ODF2L: variants seen among roughly 807,000 people sequenced by gnomAD.
ODF2L encodes protein BCAP.
Under a neutral mutation model 86.3 loss-of-function variants are expected in ODF2L, and 76 were observed. That is an observed-to-expected ratio of 0.88 (90% CI 0.73 to 1.07). ODF2L has a LOEUF of 1.07. ODF2L is among the 50% of genes least tolerant of loss of function. The pLI is 0.00. For synonymous variants in ODF2L, 241 were observed against 231.3 expected, an observed-to-expected ratio of 1.04 and a Z score of -0.38; for missense variants, 748 against 717.4, an observed-to-expected ratio of 1.04 and a Z score of -0.49.
downstream of ODF2L, chr1:86,348,728 T>C (rs186066009): frequency 1.6e-4 from 234 of 1,440,722 alleles, 1 homozygote; most frequent in Non-Finnish European, 1.8e-4. Context: ...ATCTACTACT[T>C]AGAGAAAATA....
chr1:86,372,851 G>A (rs573939237), intron 8 of ODF2L, among the ~76,000 whole-genome samples: 22 of 152,196 alleles, frequency 1.4e-4, no homozygotes, highest in Admixed American at 2.6e-4. Context: ...GCTATTATAA[G>A]TGAAGTAACT....
intron 4 of ODF2L, among the ~76,000 whole-genome samples, 193 bp downstream of exon 4, chr1:86,384,483 T>C (rs930151596): frequency 4.6e-5 from 7 of 151,728 alleles, no homozygotes; most frequent in Admixed American, 1.3e-4. Context: ...AAAATAAAAA[T>C]ACATTTTCTA....
intron 7 of ODF2L, among the ~76,000 whole-genome samples, chr1:86,379,639 G>A (rs1217022790): frequency 6.6e-6 from 1 of 152,042 alleles, no homozygotes; most frequent in African/African-American, 2.4e-5. Context: ...GGCTATAGAC[G>A]AGATAAACAG....
chr1:86,395,577 T>A (rs1013273635), intron 1 of ODF2L, among the ~76,000 whole-genome samples: 3 of 152,168 alleles, frequency 2.0e-5, no homozygotes, highest in Non-Finnish European at 4.4e-5. Context: ...CCTAGAGGAA[T>A]CCTGGAGAAG....
intron 8 of ODF2L, among the ~76,000 whole-genome samples, 195 bp from the exon 9 acceptor site, chr1:86,372,735 C>T (rs1659885047): frequency 6.6e-6 from 1 of 152,122 alleles, no homozygotes; most frequent in Non-Finnish European, 1.5e-5. Context: ...GCCTAAATGC[C>T]CACCAACCAA....
At chr1:86,374,758 C>T (rs137875332) in intron 8 of ODF2L, among the ~76,000 whole-genome samples, 23 of 152,282 alleles carry the variant, frequency 1.5e-4, no homozygotes, top group African/African-American at 5.3e-4. Context: ...AGACCACAGA[C>T]GTTTACAAAT....
chr1:86,373,662 G>A (rs1278034591), intron 8 of ODF2L, among the ~76,000 whole-genome samples: 3 of 151,878 alleles, frequency 2.0e-5, no homozygotes, highest in Non-Finnish European at 4.4e-5. Context: ...AAACACATAA[G>A]CATCAGAGGA....
chr1:86,363,560 T>C (rs889389751), intron 11 of ODF2L, among the ~76,000 whole-genome samples: 3 of 152,060 alleles, frequency 2.0e-5, no homozygotes, highest in African/African-American at 7.2e-5. Context: ...CTTTTGACCA[T>C]ACAGTTAAAT....
chr1:86,387,123 G>A, intron 1 of ODF2L, 37 bp from the exon 2 acceptor site: 1 of 565,440 alleles, frequency 1.8e-6, no homozygotes, highest in Non-Finnish European at 3.0e-6. Flanking sequence ...TATTTCAATA[G>A]AGTTTTTTTG....
intron 7 of ODF2L, among the ~76,000 whole-genome samples, chr1:86,381,633 C>T (rs1660599001): frequency 6.6e-6 from 1 of 151,790 alleles, no homozygotes; most frequent in Non-Finnish European, 1.5e-5. Flanking sequence ...AAAAGAGTTA[C>T]CTTATATTGT....
intron 7 of ODF2L, 64 bp downstream of exon 7, chr1:86,382,178 C>T: frequency 1.3e-6 from 2 of 1,493,026 alleles, no homozygotes; most frequent in Non-Finnish European, 1.8e-6. Flanking sequence ...CTAAGGAAGG[C>T]TTTATGGCCT....
intron 11 of ODF2L, among the ~76,000 whole-genome samples, chr1:86,365,097 T>A (rs1659309613): frequency 6.6e-6 from 1 of 152,230 alleles, no homozygotes; most frequent in Admixed American, 6.5e-5. Context: ...TCCTGTCTTC[T>A]TCCAAATTCT....
chr1:86,373,243 A>G (rs1172145180), intron 8 of ODF2L, among the ~76,000 whole-genome samples: 1 of 151,856 alleles, frequency 6.6e-6, no homozygotes, highest in Non-Finnish European at 1.5e-5. Flanking sequence ...CTATTTTTAA[A>G]CAATATTTCA....
chr1:86,363,377 T>C (rs771045354), intron 11 of ODF2L, among the ~76,000 whole-genome samples: 3 of 152,152 alleles, frequency 2.0e-5, no homozygotes, highest in Non-Finnish European at 2.9e-5. Flanking sequence ...CTCGAGCACA[T>C]AGATGGTATG....
chr1:86,358,707 G>T, intron 13 of ODF2L, 80 bp downstream of exon 12: 2 of 564,702 alleles, frequency 3.5e-6, no homozygotes, highest in South Asian at 3.2e-5. Context: ...TAGAGAAAAT[G>T]ACCAAAATGA....
chr1:86,364,659 TA>T (rs929558578), intron 11 of ODF2L, among the ~76,000 whole-genome samples: 5 of 152,228 alleles, frequency 3.3e-5, no homozygotes, highest in Non-Finnish European at 7.4e-5. Flanking sequence ...GGAAATTTTT[TA>T]AAAAGGGAGG....
chr1:86,358,195 C>A, intron 13 of ODF2L: 1 of 445,416 alleles, frequency 2.2e-6, no homozygotes, highest in Non-Finnish European at 3.0e-6. Context: ...TGCCAGGAGT[C>A]AGCATCCTAC....
intron 13 of ODF2L, chr1:86,358,132 G>A (rs1658734493): frequency 1.0e-6 from 1 of 978,062 alleles, no homozygotes; most frequent in African/African-American, 1.8e-5. Flanking sequence ...CCCAGAGAGA[G>A]TAACCTTATT....
At chr1:86,383,156 G>A (rs749389975) in exon 5 of ODF2L, 2 of 1,579,742 alleles carry the variant, frequency 1.3e-6, no homozygotes, top group South Asian at 2.3e-5. Context: ...TTCATTATCA[G>A]TTAGATTTTC....
Sources: allele counts gnomAD v4.1 joint callset (sites outside exome capture counted in the v4.1 genomes callset), GRCh38; gene constraint gnomAD v4.1.1; transcripts MANE v1.5; gene names NCBI Gene and HGNC (gene_info 2026-07-23, HGNC 2026-07-21).